Variants in CFAP97 observed in about 807,000 individuals in gnomAD.
The protein encoded by CFAP97 is cilia- and flagella-associated protein 97.
CFAP97 carries 36 observed loss-of-function variants against 43.1 expected under a neutral mutation model. The ratio of observed to expected loss-of-function variants is 0.84; its 90% CI spans 0.64 to 1.10. The LOEUF (loss-of-function observed/expected upper bound fraction) is 1.10. Among genes scored for constraint, CFAP97 ranks in the 50% least tolerant of loss-of-function variants. The probability of loss-of-function intolerance (pLI) is 0.00; values close to 1 mark genes in which losing one functional copy is unlikely to be tolerated. For synonymous variants in CFAP97, 228 were observed against 225.7 expected (o/e 1.01, Z -0.09); for missense variants, 657 against 620.3 (o/e 1.06, Z -0.63).
upstream of CFAP97, chr4:185,210,234 A>AGCCGCCCGCCGCCC (rs1233211912): frequency 1.0e-6 from 1 of 984,530 alleles, no homozygotes; most frequent in African/African-American, 1.8e-5. The surrounding 1 kb of genome is among the most constrained non-coding windows in gnomAD (Gnocchi z 4.4). Context: ...CCGCGACCTC[A>AGCCGCCCGCCGCCC]GCCGCCCGCC....
chr4:185,183,168 T>G (rs1735870008), intron 2 of CFAP97, among the ~76,000 whole-genome samples: 2 of 152,212 alleles, frequency 1.3e-5, no homozygotes, highest in South Asian at 4.1e-4. Flanking sequence ...TATCCCTCAT[T>G]ATCTGAACTC....
intron 3 of CFAP97, among the ~76,000 whole-genome samples, chr4:185,175,111 A>G (rs1735462770): frequency 6.6e-6 from 1 of 152,180 alleles, no homozygotes; most frequent in African/African-American, 2.4e-5. Context: ...AGTAAAAGAG[A>G]TTTCACTAGT....
intron 3 of CFAP97, among the ~76,000 whole-genome samples, chr4:185,170,747 C>G (rs933522736): frequency 6.6e-6 from 1 of 150,972 alleles, no homozygotes; most frequent in Non-Finnish European, 1.5e-5. Context: ...TACTTTGAGA[C>G]GCCGAGGCTG....
At chr4:185,197,036 T>G (rs1442873802) in intron 1 of CFAP97, among the ~76,000 whole-genome samples, 2 of 148,160 alleles carry the variant, frequency 1.3e-5, no homozygotes, top group Non-Finnish European at 3.0e-5. Context: ...GAGGCAGAGG[T>G]TGCAGTGAGC....
At chr4:185,203,115 G>A (rs1414800042) in intron 1 of CFAP97, among the ~76,000 whole-genome samples, 2 of 151,666 alleles carry the variant, frequency 1.3e-5, no homozygotes, top group East Asian at 1.9e-4. Context: ...CAGGAGGATC[G>A]CTTGAGCCCA....
intron 1 of CFAP97, among the ~76,000 whole-genome samples, chr4:185,198,147 AAAG>A (rs982603555): frequency 6.6e-6 from 1 of 152,214 alleles, no homozygotes; most frequent in Non-Finnish European, 1.5e-5. Context: ...AGGTTTAAGA[AAAG>A]AAGCCTGCTC....
chr4:185,189,875 A>C (rs1429913504), intron 2 of CFAP97, among the ~76,000 whole-genome samples: 3 of 152,212 alleles, frequency 2.0e-5, no homozygotes, highest in African/African-American at 7.2e-5. Context: ...CATTTATCTT[A>C]TCCATCTGTT....
chr4:185,197,080 T>C (rs992004053), intron 1 of CFAP97, among the ~76,000 whole-genome samples: 1 of 115,074 alleles, frequency 8.7e-6, no homozygotes, highest in African/African-American at 3.5e-5. Flanking sequence ...TCCTGGGCAA[T>C]AGAGCGAGAC....
upstream of CFAP97, among the ~76,000 whole-genome samples, chr4:185,208,261 C>T (rs1737282020): frequency 6.6e-6 from 1 of 151,968 alleles, no homozygotes; most frequent in South Asian, 2.1e-4. Flanking sequence ...CATGATCTGC[C>T]CGCCTCAGCC....
chr4:185,167,998 CAAA>C (rs1195340198), intron 3 of CFAP97, among the ~76,000 whole-genome samples: 4 of 54,712 alleles, frequency 7.3e-5, no homozygotes, highest in Non-Finnish European at 1.7e-4. Flanking sequence ...GACTCCTTCT[CAAA>C]AAAAAAAAAA....
intron 1 of CFAP97, among the ~76,000 whole-genome samples, chr4:185,197,824 G>A (rs1660992050): frequency 6.6e-6 from 1 of 152,210 alleles, no homozygotes; most frequent in Non-Finnish European, 1.5e-5. Flanking sequence ...TAGTGAGGAA[G>A]GTATGCTGAA....
chr4:185,164,085 T>G lies in CFAP97; in HGVS notation c.1415A>C (p.Asn472Thr), dbSNP rs375420694. The G allele has an allele frequency of 3.1e-6, 5 of 1,613,924 alleles. No homozygotes were observed. The highest frequency in any genetic ancestry group is 1.7e-5 in the Admixed American group (1 of 60,012). ...MDYHRNMGYL[N>T]SSPLSRRARS... ...GGCCCGTCTTGACAATGGTGATGAGTTGAGATAGCCCATATTGCGATGATA... is the reference window on the plus strand; with the variant it reads ...GGCCCGTCTTGACAATGGTGATGAGGTGAGATAGCCCATATTGCGATGATA... Residue 472 changes from asparagine to threonine, a missense_variant, in exon 4 of 5, where the codon AAC (asparagine) becomes ACC (threonine). Physicochemically the swap from Asn to Thr is moderately conservative, Grantham distance 65. Coordinates refer to ENST00000458385, the MANE Select transcript of CFAP97 (RefSeq NM_020827.3).
At chr4:185,163,331 T>C (rs1166499338) in intron 4 of CFAP97, among the ~76,000 whole-genome samples, 2 of 152,132 alleles carry the variant, frequency 1.3e-5, no homozygotes, top group Non-Finnish European at 2.9e-5. Context: ...ATGGAACTAC[T>C]AGTCTTGAGA....
At chr4:185,201,019 G>A (rs1736798390) in intron 1 of CFAP97, among the ~76,000 whole-genome samples, 1 of 152,108 alleles carries the variant, frequency 6.6e-6, no homozygotes, top group African/African-American at 2.4e-5. Flanking sequence ...GACTGACTAT[G>A]TTTTAAAGAA....
intron 4 of CFAP97, among the ~76,000 whole-genome samples, chr4:185,163,609 T>C (rs1318067956): frequency 6.6e-6 from 1 of 151,898 alleles, no homozygotes; most frequent in Non-Finnish European, 1.5e-5. Context: ...TGTTGTGTGA[T>C]CAGCTTGCTA....
intron 1 of CFAP97, among the ~76,000 whole-genome samples, chr4:185,200,271 G>A (rs995012934): frequency 1.6e-4 from 25 of 152,184 alleles, no homozygotes; most frequent in Admixed American, 1.3e-3. Context: ...CAAGGCAGGA[G>A]GACCAGTTGA....
chr4:185,163,134 G>A (rs1040787968), intron 4 of CFAP97, among the ~76,000 whole-genome samples: 15 of 152,240 alleles, frequency 9.9e-5, no homozygotes, highest in South Asian at 2.1e-4. Context: ...CTGGATTGGC[G>A]TGGAAAACAA....
At chr4:185,170,655 C>G (rs538042806) in intron 3 of CFAP97, among the ~76,000 whole-genome samples, 1 of 151,696 alleles carries the variant, frequency 6.6e-6, no homozygotes, top group Non-Finnish European at 1.5e-5. Flanking sequence ...CTCAGGTGAT[C>G]CACCACGCCA....
At chr4:185,200,192 G>A (rs1208838837) in intron 1 of CFAP97, among the ~76,000 whole-genome samples, 1 of 152,220 alleles carries the variant, frequency 6.6e-6, no homozygotes, top group African/African-American at 2.4e-5. Flanking sequence ...AACTGGGGAA[G>A]GAACTGCAGC....
Sources: allele counts gnomAD v4.1 joint callset (sites outside exome capture counted in the v4.1 genomes callset), GRCh38; gene constraint gnomAD v4.1.1; non-coding constraint Gnocchi (gnomAD v3.1); transcripts MANE v1.5; gene names NCBI Gene and HGNC (gene_info 2026-07-23, HGNC 2026-07-21).